The following ARID2 variants were observed in gnomAD, a reference collection of about 807,000 sequenced individuals.
The protein encoded by ARID2 is AT-rich interactive domain-containing protein 2.
In ARID2, 32 loss-of-function variants were observed where a neutral mutation model predicts 184.6. The observed-to-expected ratio is 0.17, with a 90% CI of 0.13 to 0.23. The LOEUF is 0.23. ARID2 is among the 10% of genes least tolerant of loss of function. The probability of loss-of-function intolerance (pLI) is 1.00; values close to 1 mark genes in which losing one functional copy is unlikely to be tolerated. For synonymous variants in ARID2, 836 were observed against 772.6 expected (o/e 1.08, Z -1.36); for missense variants, 1,696 against 2,197.6 (o/e 0.77, Z 4.56).
At chr12:45,868,248 C>G (rs1346927639) in intron 16 of ARID2, among the ~76,000 whole-genome samples, 1 of 152,170 alleles carries the variant, frequency 6.6e-6, no homozygotes, top group Non-Finnish European at 1.5e-5. Flanking sequence ...CGAGACCAGC[C>G]TGGCCAACAT....
At chr12:45,830,386 A>G (rs530044022) in intron 6 of ARID2, among the ~76,000 whole-genome samples, 75 of 152,300 alleles carry the variant, frequency 4.9e-4, no homozygotes, top group African/African-American at 1.8e-3. Context: ...ACTAAAACCA[A>G]ATCAATGGAG....
chr12:45,774,707 A>G (rs943268293), intron 3 of ARID2, among the ~76,000 whole-genome samples: 21 of 151,984 alleles, frequency 1.4e-4, no homozygotes, highest in African/African-American at 4.8e-4. Context: ...GTGAGTTCAG[A>G]CTCCTGTTAC....
Position 45,798,636 on chromosome 12 carries a change from G to C in ARID2, c.285-12782G>C, listed in dbSNP as rs1469903556. On this transcript the variant is annotated intron_variant, in intron 3 of 20. Coordinates refer to ENST00000334344, the MANE Select transcript of ARID2 (RefSeq NM_152641.4). ...AAGTTCTTCTAAAAGTAAGGTACTT[G>C]AATGTGGGATATCAACAAACAAGCA... Among the ~76,000 whole-genome samples the C allele has an allele frequency of 2.0e-5, 3 of 152,170 alleles. No homozygotes were observed. In the East Asian group the frequency reaches 5.8e-4, roughly 29 times the overall value.
chr12:45,738,442 G>GGACTGGGAT (rs1941174309), intron 3 of ARID2, among the ~76,000 whole-genome samples: 1 of 152,038 alleles, frequency 6.6e-6, no homozygotes, highest in African/African-American at 2.4e-5. Context: ...AGTCTCCCAG[G>GGACTGGGAT]TAGCTGGAAT....
At chr12:45,741,360 G>A (rs1225788725) in intron 3 of ARID2, among the ~76,000 whole-genome samples, 5 of 152,020 alleles carry the variant, frequency 3.3e-5, no homozygotes, top group African/African-American at 1.2e-4. Flanking sequence ...ACCCTGCCCA[G>A]CTAGTTTTTT....
intron 5 of ARID2, among the ~76,000 whole-genome samples, chr12:45,820,621 T>C (rs1296311128): frequency 1.3e-5 from 2 of 152,214 alleles, no homozygotes; most frequent in Non-Finnish European, 2.9e-5. Flanking sequence ...GCTAATGTGA[T>C]AGTTGATAAA....
At chr12:45,868,757 A>G (rs927807185) in intron 16 of ARID2, among the ~76,000 whole-genome samples, 7 of 152,212 alleles carry the variant, frequency 4.6e-5, no homozygotes, top group Admixed American at 2.6e-4. Context: ...TTTGTCATAT[A>G]CTAATCCTAT....
At chr12:45,840,808 G>A (rs1047529608) in intron 11 of ARID2, 1 of 152,086 alleles carries the variant, frequency 6.6e-6, no homozygotes, top group African/African-American at 2.4e-5. Context: ...TATGTAATAA[G>A]TATCACATAT....
intron 6 of ARID2, among the ~76,000 whole-genome samples, chr12:45,834,697 G>A (rs56176440): frequency 0.3 from 45,338 of 152,038 alleles, 6,931 homozygotes; most frequent in Admixed American, 0.33. Context: ...CTGAGATCAC[G>A]CCATTGCACT....
chr12:45,893,233 T>C (rs1437282397), intron 18 of ARID2, among the ~76,000 whole-genome samples, 187 bp from the exon 19 acceptor site: 1 of 152,240 alleles, frequency 6.6e-6, no homozygotes, highest in East Asian at 1.9e-4. Context: ...ACCTTGATAC[T>C]AAGCGCCCCT....
At chr12:45,784,464 A>C (rs896395343) in intron 3 of ARID2, among the ~76,000 whole-genome samples, 7 of 152,316 alleles carry the variant, frequency 4.6e-5, no homozygotes, top group Middle Eastern at 3.4e-3. Flanking sequence ...GAAAAACTTA[A>C]ATGAAGCTGG....
intron 5 of ARID2, among the ~76,000 whole-genome samples, chr12:45,818,563 A>G (rs1215937001): frequency 3.3e-5 from 5 of 152,134 alleles, no homozygotes; most frequent in African/African-American, 1.2e-4. Context: ...GACTCTCCCC[A>G]ACTCCAACCC....
intron 3 of ARID2, among the ~76,000 whole-genome samples, chr12:45,756,772 G>A (rs888634449): frequency 7.9e-5 from 12 of 152,142 alleles, no homozygotes; most frequent in East Asian, 5.8e-4. Flanking sequence ...GGTGGCATGC[G>A]CCTTTAGTCC....
At chr12:45,829,410 G>A (rs1244605989) in intron 6 of ARID2, among the ~76,000 whole-genome samples, 4 of 151,746 alleles carry the variant, frequency 2.6e-5, no homozygotes, top group Admixed American at 6.6e-5. Context: ...ATACCTCTAT[G>A]CAATTTAAAA....
At chr12:45,735,941 C>A (rs1941108785) in intron 3 of ARID2, among the ~76,000 whole-genome samples, 1 of 152,140 alleles carries the variant, frequency 6.6e-6, no homozygotes, top group Non-Finnish European at 1.5e-5. Flanking sequence ...AAATTTTCTA[C>A]CTTAGCTGTT....
intron 2 of ARID2, among the ~76,000 whole-genome samples, chr12:45,730,953 T>G (rs564059480): frequency 6.6e-6 from 1 of 150,406 alleles, no homozygotes; most frequent in East Asian, 2.0e-4. Context: ...TTGCGATTGG[T>G]TATTGTCCGG....
intron 3 of ARID2, among the ~76,000 whole-genome samples, chr12:45,792,436 T>G (rs983156334): frequency 5.3e-5 from 8 of 152,208 alleles, no homozygotes; most frequent in African/African-American, 1.9e-4. Context: ...AATTTATGAC[T>G]CAATATATGG....
intron 3 of ARID2, among the ~76,000 whole-genome samples, chr12:45,799,346 C>T (rs1296878004): frequency 6.6e-6 from 1 of 152,110 alleles, no homozygotes; most frequent in African/African-American, 2.4e-5. Flanking sequence ...ACTTGCTTTT[C>T]CTCAGTGGAA....
At chr12:45,762,493 A>C (rs76342352) in intron 3 of ARID2, among the ~76,000 whole-genome samples, 2 of 152,262 alleles carry the variant, frequency 1.3e-5, no homozygotes, top group South Asian at 4.1e-4. Flanking sequence ...AATTCAGCCT[A>C]GTAAAAAGTA....
Sources: allele counts gnomAD v4.1 joint callset (sites outside exome capture counted in the v4.1 genomes callset), GRCh38; gene constraint gnomAD v4.1.1; transcripts MANE v1.5; gene names NCBI Gene and HGNC (gene_info 2026-07-23, HGNC 2026-07-21).